The following EIF5B variants were observed in gnomAD, a reference collection of about 807,000 sequenced individuals.
EIF5B encodes the protein eukaryotic translation initiation factor 5B, also known as eIF-5B.
A neutral mutation model predicts 147.5 loss-of-function variants in EIF5B; 47 were observed. That is an observed-to-expected ratio of 0.32 (90% CI 0.25 to 0.41). The LOEUF is 0.41. EIF5B is among the 10% of genes least tolerant of loss of function. The probability of loss-of-function intolerance (pLI) is 1.00; values close to 1 mark genes in which losing one functional copy is unlikely to be tolerated. For missense variants in EIF5B, 1,064 were observed against 1,413.2 expected (o/e 0.75, Z 3.96); for synonymous variants, 455 against 456.2 (o/e 1.00, Z 0.03).
intron 1 of EIF5B, among the ~76,000 whole-genome samples, chr2:99,351,649 T>G (rs1673965010): frequency 6.6e-6 from 1 of 152,172 alleles, no homozygotes; most frequent in Non-Finnish European, 1.5e-5. Context: ...ATCTTCAATT[T>G]TAGGATTTCT....
chr2:99,384,191 C>G (rs9753373), intron 14 of EIF5B, among the ~76,000 whole-genome samples: 1 of 109,132 alleles, frequency 9.2e-6, no homozygotes, highest in Non-Finnish European at 1.9e-5. Flanking sequence ...AGCGAGACTC[C>G]GTCTCAAAAA....
chr2:99,382,122 CTTTCTTAAACTTTGAACT>C lies in EIF5B; in HGVS notation c.2062-32_2062-15del. ...TCTGTAAAGAAGCTTTCATGTCTGA[CTTTCTTAAACTTTGAACT>C]TTTCCCCATTGTTTCTAGTTTGATA... On this transcript the variant is annotated intron_variant, in intron 12 of 23. Coordinates refer to ENST00000289371, the MANE Select transcript of EIF5B (RefSeq NM_015904.4). 6.3e-7 allele frequency: 1 copy of C among 1,576,268 alleles called. No homozygotes were observed.
intron 14 of EIF5B, among the ~76,000 whole-genome samples, chr2:99,389,423 A>G (rs1674877873): frequency 6.6e-6 from 1 of 152,220 alleles, no homozygotes; most frequent in Admixed American, 6.5e-5. Flanking sequence ...GAATTCCAAC[A>G]ATATACATTA....
intron 3 of EIF5B, 124 bp downstream of exon 3, chr2:99,360,673 A>G (rs926018661): frequency 7.4e-5 from 59 of 792,674 alleles, no homozygotes; most frequent in Non-Finnish European, 2.0e-5. Flanking sequence ...AAAAGCTTCT[A>G]TGAAATCTGA....
At chr2:99,386,106 C>T (rs1674801751) in intron 14 of EIF5B, among the ~76,000 whole-genome samples, 1 of 152,210 alleles carries the variant, frequency 6.6e-6, no homozygotes, top group Non-Finnish European at 1.5e-5. Flanking sequence ...TAATACTGCA[C>T]TTTATCCATT....
intron 4 of EIF5B, among the ~76,000 whole-genome samples, chr2:99,362,293 G>T (rs2105345444): frequency 6.6e-6 from 1 of 152,196 alleles, no homozygotes; most frequent in South Asian, 2.1e-4. Flanking sequence ...AAGCAATAAT[G>T]AGCCATTTTT....
chr2:99,353,005 C>CTTTTTTTTTTTTTTTTTTTTT (rs529053292), intron 1 of EIF5B, among the ~76,000 whole-genome samples: 2 of 62,856 alleles, frequency 3.2e-5, no homozygotes, highest in Non-Finnish European at 5.5e-5. Flanking sequence ...TCTTCTTCTT[C>CTTTTTTTTTTTTTTTTTTTTT]TTTTTTTTTT....
At chr2:99,347,418 C>T (rs1398006547) in intron 1 of EIF5B, among the ~76,000 whole-genome samples, 1 of 152,040 alleles carries the variant, frequency 6.6e-6, no homozygotes, top group Non-Finnish European at 1.5e-5. Context: ...CAGGGCTTCT[C>T]AAACTTTGTT....
In EIF5B at chr2:99,361,616, G is replaced by A. The variant is rs1674217198; in HGVS notation, c.715G>A (p.Glu239Lys). 7 of 1,594,774 alleles carry A rather than the reference G, an allele frequency of 4.4e-6. No individual in the cohort carries two copies. Among genetic ancestry groups the A allele is most frequent in the Admixed American group, 3.7e-5 (2 of 54,552 alleles). Residue 239 changes from glutamate (E) to lysine (K), a missense_variant, in exon 4 of 24, where the codon GAG becomes AAG. This residue lies in a region of EIF5B where 458 missense variants were observed against 451.3 expected (regional missense o/e 1.01). Coordinates refer to ENST00000289371, the MANE Select transcript of EIF5B (RefSeq NM_015904.4). ...AAAGAAGGCAGAAAAGAAGGAGCGC[G>A]AGAGAAAAAAGCGAGATGAAGAAAA... ...AQKKAEKKER[E>K]RKKRDEEKAK...
chr2:99,394,995 A>C, intron 21 of EIF5B, 112 bp downstream of exon 21: 1 of 1,001,368 alleles, frequency 1.0e-6, no homozygotes, highest in Non-Finnish European at 1.4e-6. Context: ...CTCATCTACC[A>C]GAGGCTGCAT....
Position 99,346,121 on chromosome 2 carries a change from A to G in EIF5B, c.35+8532A>G, listed in dbSNP as rs1477442306. Among the ~76,000 whole-genome samples the G allele has an allele frequency of 3.9e-5, 6 of 152,310 alleles. No homozygotes were observed. The East Asian group carries it at 7.7e-4, about 20-fold the overall frequency. On this transcript the variant is annotated intron_variant, in intron 1 of 23. Transcript: ENST00000289371. ...TCGAGATTTCACATTTGCCTCTTAAAGTTATTGTTTATGCATCTTTAAAAT... is the reference window on the plus strand; with the variant it reads ...TCGAGATTTCACATTTGCCTCTTAAGGTTATTGTTTATGCATCTTTAAAAT...
chr2:99,400,109 C>T lies in EIF5B; in HGVS notation c.*695C>T, dbSNP rs891434684. The T allele has an allele frequency of 9.8e-5, 15 of 152,352 alleles. No homozygotes were observed. Among genetic ancestry groups the T allele is most frequent in the African/African-American group, 3.6e-4 (15 of 41,584 alleles). 9.4% of individuals were successfully genotyped at this position (152,352 alleles called of 1,614,324 possible). On this transcript the variant is annotated 3_prime_UTR_variant, in exon 24 of 24. Transcript: ENST00000289371. ...GCTTCCATGTTAGTGTAGCTTCTCT[C>T]CCACAAGTTGTCCTCCTAGGACAAG...
intron 9 of EIF5B, among the ~76,000 whole-genome samples, chr2:99,372,836 A>T (rs942380384): frequency 6.6e-6 from 1 of 152,178 alleles, no homozygotes; most frequent in Non-Finnish European, 1.5e-5. Context: ...TGCTTTCTAT[A>T]TTTAGGTCAA....
At chr2:99,397,729 TA>T (rs1675087242) in intron 22 of EIF5B, 1 of 152,196 alleles carries the variant, frequency 6.6e-6, no homozygotes, top group Non-Finnish European at 1.5e-5. Flanking sequence ...AATTACTCTG[TA>T]ATCTGTCTGG....
rs75885635 is a variant in EIF5B at position 99,368,430 on chromosome 2, A to G, written c.1289-63A>G. Reference sequence around the variant, plus strand: ...TGGTGAATGAAATGCTATCCTTTAAATAGTACTTCTCAGGTGACATGCAAG... The same window carrying G: ...TGGTGAATGAAATGCTATCCTTTAAGTAGTACTTCTCAGGTGACATGCAAG... On this transcript the variant is annotated intron_variant, in intron 6 of 23. Coordinates refer to ENST00000289371, the MANE Select transcript of EIF5B (RefSeq NM_015904.4). 3,294 of 1,182,596 alleles carry G rather than the reference A, an allele frequency of 2.8e-3. 72 individuals are homozygous for G. In the African/African-American group the frequency reaches 0.045, roughly 16 times the overall value. 73.3% of individuals were successfully genotyped at this position (1,182,596 alleles called of 1,614,324 possible).
Position 99,379,448 on chromosome 2 carries a change from T to C in EIF5B, c.2061+20T>C, listed in dbSNP as rs767876543. On this transcript the variant is annotated intron_variant, in intron 12 of 23. Coordinates refer to ENST00000289371, the MANE Select transcript of EIF5B (RefSeq NM_015904.4). ...AAAAATGTAAGTACATTGTATTTCA[T>C]GTATTTTAATCTCTGACAAAAATTA... The C allele has an allele frequency of 3.8e-6, 6 of 1,568,710 alleles. No homozygotes were observed. Among genetic ancestry groups the C allele is most frequent in the Non-Finnish European group, 5.2e-6 (6 of 1,148,274 alleles).
At position 99,401,206 on chromosome 2, in the gene EIF5B, C is replaced by A; in HGVS notation, c.*1792C>A. Reference sequence around the variant, plus strand: ...AAATACCTCACAAGCACTTATGGCACAGCTATCAGAGAGCATCAGGCTCTC... The same window carrying A: ...AAATACCTCACAAGCACTTATGGCAAAGCTATCAGAGAGCATCAGGCTCTC... On this transcript the variant is annotated 3_prime_UTR_variant, in exon 24 of 24. Transcript: ENST00000289371. The A allele has an allele frequency of 1.5e-6, 2 of 1,298,256 alleles. No homozygotes were observed. Among genetic ancestry groups the A allele is most frequent in the Non-Finnish European group, 2.2e-6 (2 of 893,884 alleles). The allele number at this position is 1,298,256 out of a possible 1,614,324, so 80.4% of individuals were successfully genotyped here.
At chr2:99,366,653 T>C (rs987445687) in intron 6 of EIF5B, among the ~76,000 whole-genome samples, 1 of 152,214 alleles carries the variant, frequency 6.6e-6, no homozygotes, top group Non-Finnish European at 1.5e-5. Context: ...AGTGAGAGAC[T>C]GAGTCAGTAA....
intron 10 of EIF5B, 146 bp downstream of exon 10, chr2:99,376,782 C>T (rs2104217935): frequency 7.4e-7 from 1 of 1,345,068 alleles, no homozygotes; most frequent in Non-Finnish European, 9.6e-7. Flanking sequence ...TGAAATATTA[C>T]TGGCCTTTGA....
Sources: allele counts gnomAD v4.1 joint callset (sites outside exome capture counted in the v4.1 genomes callset), GRCh38; gene constraint gnomAD v4.1.1; regional missense constraint gnomAD v4.1.1; transcripts MANE v1.5; gene names NCBI Gene and HGNC (gene_info 2026-07-23, HGNC 2026-07-21).